TRPC3: variants seen among roughly 807,000 people sequenced by gnomAD.
The protein encoded by TRPC3 is short transient receptor potential channel 3.
Under a neutral mutation model 90.9 loss-of-function variants are expected in TRPC3, and 54 were observed. That is an observed-to-expected ratio of 0.59 (90% CI 0.48 to 0.75). The LOEUF is 0.75. Ranked by LOEUF, TRPC3 falls within the 30% of genes least tolerant of loss-of-function variation. The pLI, the probability that TRPC3 is intolerant of heterozygous loss-of-function variation, is 0.00. For missense variants in TRPC3, 918 were observed against 1,194.5 expected (o/e 0.77, Z 3.41); for synonymous variants, 424 against 450.9 (o/e 0.94, Z 0.75).
chr4:121,924,114 T>C (rs1397074548), intron 3 of TRPC3, among the ~76,000 whole-genome samples: 1 of 152,214 alleles, frequency 6.6e-6, no homozygotes, highest in Non-Finnish European at 1.5e-5. Context: ...AACTCCTTAG[T>C]TATGTGACCT....
intron 5 of TRPC3, among the ~76,000 whole-genome samples, chr4:121,910,862 A>C (rs1208575043): frequency 5.9e-5 from 9 of 152,220 alleles, no homozygotes; most frequent in Admixed American, 5.9e-4. Flanking sequence ...TACTCATATC[A>C]CACTCTTATC....
At position 121,907,340 on chromosome 4, in the gene TRPC3, A is replaced by G; in HGVS notation, c.2020T>C (p.Tyr674His). The G allele has an allele frequency of 1.2e-6, 2 of 1,612,536 alleles. No homozygotes were observed. The highest frequency in any genetic ancestry group is 1.7e-6 in the Non-Finnish European group (2 of 1,179,228). ...FMIGMFILYS[Y>H]YLGAKVNAAF... is the part of the protein sequence containing the mutation. ...GCATTAACTTTAGCCCCAAGGTAGT[A>G]AGAATAAAGTATGAACATGCCAATC... is the stretch of plus-strand genomic sequence containing the variant. The change falls in exon 7 of 12, where the codon TAC becomes CAC. Residue 674 changes from tyrosine to histidine, a missense_variant. By Grantham distance (83) the Tyr-to-His change is moderately conservative. This residue lies in a region of TRPC3 where 147 missense variants were observed against 263.5 expected (regional missense o/e 0.56). Transcript: ENST00000379645.
chr4:121,932,311 T>A lies in TRPC3; in HGVS notation c.947A>T (p.Asn316Ile), dbSNP rs752000591. Residue 316 changes from asparagine to isoleucine, a missense_variant, in exon 2 of 12, where the codon AAC (asparagine) becomes ATC (isoleucine). Coordinates refer to ENST00000379645, the MANE Select transcript of TRPC3 (RefSeq NM_001130698.2). This position sits in a 1 kb window ranked among gnomAD's most constrained non-coding sequence, Gnocchi z 7.7. The part of the protein sequence containing the change: ...DPVLTALELS[N>I]ELAKLANIEK... ...TATGTTGGCCAGCTTGGCCAGCTCG[T>A]TGCTGAGCTCTAGGGCCGTAAGCAC... 6.2e-7 allele frequency: 1 copy of A among 1,614,142 alleles called. No individual in the cohort carries two copies. The highest frequency in any genetic ancestry group is 8.5e-7 in the Non-Finnish European group (1 of 1,180,012).
chr4:121,929,044 G>C (rs1729808762), intron 2 of TRPC3, among the ~76,000 whole-genome samples: 2 of 152,054 alleles, frequency 1.3e-5, no homozygotes, highest in South Asian at 4.2e-4. Context: ...ACCCAATATT[G>C]GTACTATGAG....
chr4:121,944,150 G>T (rs138130123), intron 1 of TRPC3, among the ~76,000 whole-genome samples: 278 of 152,194 alleles, frequency 1.8e-3, no homozygotes, highest in African/African-American at 6.3e-3. Context: ...GCCCCTTCTG[G>T]ACGGATGTTA....
chr4:121,951,272 C>G lies in TRPC3; in HGVS notation c.215+194G>C, dbSNP rs1024630211. On this transcript the variant is annotated intron_variant, in intron 1 of 11. Coordinates refer to ENST00000379645, the MANE Select transcript of TRPC3 (RefSeq NM_001130698.2). The surrounding 1 kb of genome is among the most constrained non-coding windows in gnomAD (Gnocchi z 4.4). The stretch of plus-strand genomic sequence containing the variant: ...ACTCGGCAGCCCCTGTGTCCCTCCA[C>G]CGCGCGGGACCGAGGGGGCGAGCCT... Among the ~76,000 whole-genome samples, 1 of 152,136 alleles carries G rather than the reference C, an allele frequency of 6.6e-6. No homozygotes were observed. Among genetic ancestry groups the G allele is most frequent in the Non-Finnish European group, 1.5e-5 (1 of 67,994 alleles).
At chr4:121,909,252 G>C (rs975622818) in intron 6 of TRPC3, among the ~76,000 whole-genome samples, 1 of 152,072 alleles carries the variant, frequency 6.6e-6, no homozygotes, top group African/African-American at 2.4e-5. Context: ...TTTTGGAGCG[G>C]AAGTCCAGCC....
chr4:121,904,314 C>T lies in TRPC3; in HGVS notation c.2253+8G>A, dbSNP rs200415583. 4.6e-5 allele frequency: 74 copies of T among 1,594,758 alleles called. No homozygotes were observed. The highest frequency in any genetic ancestry group is 7.4e-5 in the Admixed American group (4 of 54,058). ...AGGATAGATACTATGGATAGAAAAC[C>T]GATTTACCTCAATTTCTTGATATGA... On this transcript the variant is annotated splice_region_variant and intron_variant, in intron 8 of 11. Coordinates refer to ENST00000379645, the MANE Select transcript of TRPC3 (RefSeq NM_001130698.2).
chr4:121,935,898 T>C (rs1378392503), intron 1 of TRPC3, among the ~76,000 whole-genome samples: 1 of 152,190 alleles, frequency 6.6e-6, no homozygotes, highest in African/African-American at 2.4e-5. Flanking sequence ...CTTTCATCAA[T>C]ATTTCCTTTG....
chr4:121,897,799 G>A (rs549011821), intron 10 of TRPC3, among the ~76,000 whole-genome samples: 23 of 152,152 alleles, frequency 1.5e-4, no homozygotes, highest in African/African-American at 4.6e-4. Flanking sequence ...ACCCCACTAC[G>A]GGAATTTATC....
intron 2 of TRPC3, among the ~76,000 whole-genome samples, chr4:121,930,283 A>C (rs549342261): frequency 1.4e-4 from 21 of 152,294 alleles, no homozygotes; most frequent in African/African-American, 4.8e-4. Flanking sequence ...ATAATCTAGA[A>C]AAAAGAACTG....
intron 1 of TRPC3, among the ~76,000 whole-genome samples, chr4:121,947,048 T>C (rs766577491): frequency 6.6e-6 from 1 of 151,566 alleles, no homozygotes; most frequent in Admixed American, 6.6e-5. Context: ...TCAGTTATGG[T>C]AGTGTGTGCC....
At chr4:121,942,099 T>C (rs1459381770) in intron 1 of TRPC3, among the ~76,000 whole-genome samples, 1 of 152,210 alleles carries the variant, frequency 6.6e-6, no homozygotes, top group African/African-American at 2.4e-5. Flanking sequence ...ATTTCATTTC[T>C]AAAGATTCTC....
At chr4:121,916,616 T>C (rs1454978428) in intron 3 of TRPC3, among the ~76,000 whole-genome samples, 5 of 152,050 alleles carry the variant, frequency 3.3e-5, no homozygotes, top group South Asian at 2.1e-4. Flanking sequence ...GAGGATACAA[T>C]GAGAAGTCAG....
At chr4:121,905,010 G>A (rs866810718) in intron 7 of TRPC3, among the ~76,000 whole-genome samples, 1 of 152,064 alleles carries the variant, frequency 6.6e-6, no homozygotes, top group Non-Finnish European at 1.5e-5. Flanking sequence ...TAGGGGACAG[G>A]CTAAATAATT....
chr4:121,911,669 T>C (rs1729102987), intron 5 of TRPC3, among the ~76,000 whole-genome samples: 1 of 152,198 alleles, frequency 6.6e-6, no homozygotes, highest in Admixed American at 6.6e-5. Context: ...GTCACGTTAC[T>C]CATAAAAAAT....
Position 121,914,794 on chromosome 4 carries a change from C to T in TRPC3, c.1327G>A (p.Ala443Thr), listed in dbSNP as rs748505584. 42 of 1,609,480 alleles carry T rather than the reference C, an allele frequency of 2.6e-5. No homozygotes were observed. The East Asian group carries it at 7.4e-4, about 28-fold the overall frequency. ...AAAGCAAGTACCCTGCTGCAAGGTG[C>T]GATCCAGTAGCCAATGGCCAGGAAT... ...LPFLAIGYWI[A>T]PCSRLGKILR... Residue 443 changes from alanine (A) to threonine (T), a missense_variant, in exon 4 of 12, where the codon GCA becomes ACA. Physicochemically the swap from Ala to Thr is moderately conservative, Grantham distance 58. Transcript: ENST00000379645.
At chr4:121,898,200 G>A (rs996025801) in intron 10 of TRPC3, among the ~76,000 whole-genome samples, 6 of 152,114 alleles carry the variant, frequency 3.9e-5, no homozygotes, top group African/African-American at 1.2e-4. Context: ...TTTGTTAAAG[G>A]ATACAAAATT....
At chr4:121,944,675 C>T (rs1730429358) in intron 1 of TRPC3, among the ~76,000 whole-genome samples, 1 of 152,084 alleles carries the variant, frequency 6.6e-6, no homozygotes, top group Non-Finnish European at 1.5e-5. Flanking sequence ...GTCAACTGTG[C>T]TTTGCGATAA....
Sources: gnomAD v4.1 joint callset for allele counts (sites outside exome capture counted in the v4.1 genomes callset) on GRCh38, gnomAD v4.1.1 for gene constraint, gnomAD v4.1.1 regional missense constraint, Gnocchi (gnomAD v3.1) non-coding constraint, MANE v1.5 for transcripts, NCBI Gene and HGNC (gene_info 2026-07-23, HGNC 2026-07-21) for gene names.